The following ZSWIM5 variants were observed in gnomAD, a reference collection of about 807,000 sequenced individuals.
ZSWIM5 encodes zinc finger SWIM domain-containing protein 5.
A neutral mutation model predicts 119.6 loss-of-function variants in ZSWIM5; 55 were observed. The ratio of observed to expected loss-of-function variants is 0.46; its 90% CI spans 0.37 to 0.58. ZSWIM5 has a LOEUF of 0.58. Among genes scored for constraint, ZSWIM5 ranks in the 20% least tolerant of loss-of-function variants. The probability of loss-of-function intolerance (pLI) is 0.00; values close to 1 mark genes in which losing one functional copy is unlikely to be tolerated. For synonymous variants in ZSWIM5, 537 were observed against 606.9 expected, an observed-to-expected ratio of 0.88 and a Z score of 1.69; for missense variants, 1,193 against 1,512.8, an observed-to-expected ratio of 0.79 and a Z score of 3.51.
At position 45,060,167 on chromosome 1, in the gene ZSWIM5, C is replaced by T; in HGVS notation, c.1033G>A (p.Val345Met). 6.2e-7 allele frequency: 1 copy of T among 1,614,216 alleles called. No homozygotes were observed. Among genetic ancestry groups the T allele is most frequent in the African/African-American group, 1.3e-5 (1 of 75,048 alleles). ...CCGCCCTGGGAGAGAAAAAGCTTCA[C>T]TTGTTCTTTCACCTGTTCTTCATCC... Reference protein sequence around the residue: ...HLDEEQVKEQVKLFLSQGGYC... With the variant: ...HLDEEQVKEQMKLFLSQGGYC... Residue 345 changes from valine (V) to methionine (M), a missense_variant, in exon 3 of 14, where the codon GTG (valine) becomes ATG (methionine). By Grantham distance (21) the Val-to-Met change is conservative. Transcript: ENST00000359600.
intron 11 of ZSWIM5, among the ~76,000 whole-genome samples, chr1:45,030,627 T>G (rs927509840): frequency 6.6e-6 from 1 of 152,192 alleles, no homozygotes; most frequent in Non-Finnish European, 1.5e-5. Flanking sequence ...GTTGTTGAAT[T>G]TACTGGCATA....
intron 3 of ZSWIM5, 43 bp from the exon 4 acceptor site, chr1:45,058,802 C>CA (rs1436562536): frequency 1.9e-5 from 31 of 1,603,870 alleles, no homozygotes; most frequent in Non-Finnish European, 2.6e-5. Context: ...TTGTGTATCA[C>CA]AAAAAAGTAG....
At chr1:45,094,968 G>A (rs1179382853) in intron 1 of ZSWIM5, among the ~76,000 whole-genome samples, 9 of 151,614 alleles carry the variant, frequency 5.9e-5, no homozygotes, top group South Asian at 2.1e-4. Flanking sequence ...TTAACCTACC[G>A]TTTACCAACT....
intron 4 of ZSWIM5, among the ~76,000 whole-genome samples, chr1:45,058,016 T>C (rs142740828): frequency 2.6e-5 from 4 of 152,326 alleles, no homozygotes; most frequent in African/African-American, 7.2e-5. Flanking sequence ...CAAGAGCCTT[T>C]TTTTGTAGGA....
intron 4 of ZSWIM5, 80 bp downstream of exon 4, chr1:45,058,529 T>C (rs1645135459): frequency 6.4e-7 from 1 of 1,560,754 alleles, no homozygotes; most frequent in African/African-American, 1.4e-5. Context: ...ATGCAACGAC[T>C]GATGGCAAGG....
chr1:45,056,330 C>A (rs930896866), intron 4 of ZSWIM5, among the ~76,000 whole-genome samples: 1 of 152,088 alleles, frequency 6.6e-6, no homozygotes. Context: ...CGGTGACTCA[C>A]GCCTGTAATC....
In ZSWIM5 at chr1:45,079,968, A is replaced by G. The variant is rs142226725; in HGVS notation, c.952+7913T>C. Among the ~76,000 whole-genome samples the G allele has an allele frequency of 1.9e-3, 282 of 151,986 alleles. 2 individuals carry two copies. The highest frequency in any genetic ancestry group is 3.8e-3 in the Admixed American group (58 of 15,286). On this transcript the variant is annotated intron_variant, in intron 2 of 13. Transcript: ENST00000359600. ...GCTTCATGACTCTGACTGGTGCCCT[A>G]TCCTGGTGTGGCTGAGCTGGTATCC...
At chr1:45,111,561 C>A (rs1645518367) in intron 1 of ZSWIM5, among the ~76,000 whole-genome samples, 1 of 152,238 alleles carries the variant, frequency 6.6e-6, no homozygotes, top group African/African-American at 2.4e-5. Flanking sequence ...GGGCTAAAAT[C>A]AAAGTGTTGG....
rs535462777 is a variant in ZSWIM5 at position 45,105,774 on chromosome 1, G to GTTTT, written c.596-17538_596-17537insAAAA. On this transcript the variant is annotated intron_variant, in intron 1 of 13. Coordinates refer to ENST00000359600, the MANE Select transcript of ZSWIM5 (RefSeq NM_020883.2). ...CCACCCCATCTAGGAAGTGAGGAGT[G>GTTTT]TCTCTGCCTGGCTGCCCATTGTCTG... 3.1e-4 allele frequency among the ~76,000 whole-genome samples: 45 copies of GTTTT among 145,790 alleles called. No individual in the cohort carries two copies. The East Asian group carries it at 7.8e-3, about 25-fold the overall frequency.
intron 4 of ZSWIM5, among the ~76,000 whole-genome samples, chr1:45,054,136 AG>A (rs917199793): frequency 3.9e-5 from 6 of 151,914 alleles, no homozygotes; most frequent in African/African-American, 1.4e-4. Flanking sequence ...GAATTGGCTG[AG>A]TGTGATAGCC....
At position 45,078,097 on chromosome 1, in the gene ZSWIM5, G is replaced by A. The variant is rs997140983; in HGVS notation, c.952+9784C>T. Among the ~76,000 whole-genome samples the A allele has an allele frequency of 5.9e-5, 9 of 152,308 alleles. No individual in the cohort carries two copies. The South Asian group carries it at 1.2e-3, about 21-fold the overall frequency. ...GAGATTAAAGCAAAGACAGGCATAG[G>A]AAAGCACAAGGGTATTGATTGGGGA... On this transcript the variant is annotated intron_variant, in intron 2 of 13. Transcript: ENST00000359600.
intron 1 of ZSWIM5, among the ~76,000 whole-genome samples, chr1:45,150,961 G>C (rs1201958414): frequency 5.3e-5 from 8 of 152,112 alleles, no homozygotes; most frequent in African/African-American, 1.9e-4. Context: ...CATGACTCCT[G>C]ATCTTCCCCT....
At chr1:45,205,251 A>T (rs1036975615) in intron 1 of ZSWIM5, among the ~76,000 whole-genome samples, 1 of 152,064 alleles carries the variant, frequency 6.6e-6, no homozygotes, top group Non-Finnish European at 1.5e-5. Flanking sequence ...CCTAACGCAG[A>T]CAATTAAAAC....
chr1:45,062,130 A>G (rs1046187824), intron 2 of ZSWIM5, among the ~76,000 whole-genome samples: 2 of 152,208 alleles, frequency 1.3e-5, no homozygotes, highest in African/African-American at 4.8e-5. Flanking sequence ...AACTGTGGTC[A>G]CCATGTAGTG....
intron 1 of ZSWIM5, 55 bp downstream of exon 1, chr1:45,205,701 A>G: frequency 6.9e-7 from 1 of 1,447,646 alleles, no homozygotes; most frequent in Non-Finnish European, 9.2e-7. Context: ...GGCCGAGAAG[A>G]GGCACCCGCG....
intron 1 of ZSWIM5, among the ~76,000 whole-genome samples, chr1:45,204,124 G>C (rs143414435): frequency 6.6e-6 from 1 of 152,070 alleles, no homozygotes; most frequent in African/African-American, 2.4e-5. Context: ...TTTAAAAATA[G>C]ACACCTCTTT....
intron 4 of ZSWIM5, among the ~76,000 whole-genome samples, chr1:45,052,930 T>A (rs1645098193): frequency 6.6e-6 from 1 of 151,908 alleles, no homozygotes; most frequent in African/African-American, 2.4e-5. Flanking sequence ...AAGACCAGCC[T>A]GACTGCCATG....
Position 45,043,374 on chromosome 1 carries a change from C to T in ZSWIM5, c.1454G>A (p.Arg485Gln), listed in dbSNP as rs376331512. Residue 485 changes from arginine (R) to glutamine (Q), a missense_variant, in exon 6 of 14, where the codon CGA becomes CAA. Physicochemically the swap from Arg to Gln is conservative, Grantham distance 43. Coordinates refer to ENST00000359600, the MANE Select transcript of ZSWIM5 (RefSeq NM_020883.2). Reference sequence around the variant, plus strand: ...CTCAATGGCTCTAGTGAATACTGTTCGTCTTGGTCTGGATAAGGAGTCTGG... The same window carrying T: ...CTCAATGGCTCTAGTGAATACTGTTTGTCTTGGTCTGGATAAGGAGTCTGG... Reference protein sequence around the residue: ...HSPDSLSRPRRTVFTRAIEGR... With the variant: ...HSPDSLSRPRQTVFTRAIEGR... The T allele has an allele frequency of 5.6e-6, 9 of 1,614,032 alleles. No individual in the cohort carries two copies. The highest frequency in any genetic ancestry group is 2.7e-5 in the African/African-American group (2 of 74,922).
At chr1:45,095,167 G>A (rs998856705) in intron 1 of ZSWIM5, among the ~76,000 whole-genome samples, 2 of 149,658 alleles carry the variant, frequency 1.3e-5, no homozygotes, top group Non-Finnish European at 3.0e-5. Flanking sequence ...TCTCTCTGTT[G>A]CCCAAGCTGG....
Sources: allele counts gnomAD v4.1 joint callset (sites outside exome capture counted in the v4.1 genomes callset), GRCh38; gene constraint gnomAD v4.1.1; transcripts MANE v1.5; gene names NCBI Gene and HGNC (gene_info 2026-07-23, HGNC 2026-07-21).